The following PCDH19 variants were observed in gnomAD, a reference collection of about 807,000 sequenced individuals.
The protein encoded by PCDH19 is protocadherin 19.
PCDH19 carries 6 observed loss-of-function variants against 46.2 expected under a neutral mutation model. The observed-to-expected ratio is 0.13, with a 90% CI of 0.07 to 0.26. The LOEUF (loss-of-function observed/expected upper bound fraction) is 0.26. Ranked by LOEUF, PCDH19 falls within the 10% of genes least tolerant of loss-of-function variation. The pLI is 1.00. For synonymous variants in PCDH19, 481 were observed against 415.7 expected (o/e 1.16, Z -1.91); for missense variants, 740 against 972.3 (o/e 0.76, Z 3.18).
chrX:100,369,367 T>C (rs935440294), intron 3 of PCDH19, among the ~76,000 whole-genome samples: 17 of 111,387 alleles, frequency 1.5e-4, no homozygotes, highest in Admixed American at 1.1e-3. Flanking sequence ...TGTTTTTTAA[T>C]GATTAGAAGA....
chrX:100,327,186 G>T (rs957926860), intron 5 of PCDH19, among the ~76,000 whole-genome samples: 1 of 111,498 alleles, frequency 9.0e-6, no homozygotes, highest in Non-Finnish European at 1.9e-5. Context: ...CACTGACTCA[G>T]TCCCCACAAT....
chrX:100,409,865 G>A lies in PCDH19; in HGVS notation c.-1268C>T, dbSNP rs1005910113. The A allele has an allele frequency of 4.2e-5, 13 of 306,881 alleles. No individual in the cohort carries two copies. Among genetic ancestry groups the A allele is most frequent in the Non-Finnish European group, 6.7e-5 (12 of 178,802 alleles). The allele number at this position is 306,881 out of a possible 1,213,427, so 25.3% of individuals were successfully genotyped here. A position where few individuals can be genotyped will look rare whatever the true frequency, so the allele number is the denominator to read the frequency against. On this transcript the variant is annotated 5_prime_UTR_variant, in exon 1 of 6. Coordinates refer to ENST00000373034, the MANE Select transcript of PCDH19 (RefSeq NM_001184880.2). ...CGTCTTGATTTCATCTTCCCGGAGA[G>A]GCGCTGGCCGCGCTGCGTTGGGCTC...
At chrX:100,329,020 A>T (rs1925789130) in intron 5 of PCDH19, among the ~76,000 whole-genome samples, 1 of 111,800 alleles carries the variant, frequency 8.9e-6, no homozygotes, top group Non-Finnish European at 1.9e-5. Flanking sequence ...CTGTCTGCAG[A>T]CTCATTAGCT....
chrX:100,327,958 G>A (rs150234371), intron 5 of PCDH19, among the ~76,000 whole-genome samples: 50 of 111,888 alleles, frequency 4.5e-4, no homozygotes, highest in African/African-American at 1.5e-3. Context: ...GGGGCTCCAG[G>A]TAATGCTGCA....
Position 100,296,198 on chromosome X carries a change from T to G in PCDH19, c.*79A>C. On this transcript the variant is annotated 3_prime_UTR_variant, in exon 6 of 6. Transcript: ENST00000373034. ...AATATAGCCACTCAAGAACCAACCA[T>G]TGGTGAGCAATTAAAACAAGAAGCT... 7 of 779,581 alleles carry G rather than the reference T, an allele frequency of 9.0e-6. No homozygotes were observed. The allele number at this position is 779,581 out of a possible 1,213,427, so 64.2% of individuals were successfully genotyped here.
chrX:100,355,640 T>C (rs1184737798), intron 3 of PCDH19, among the ~76,000 whole-genome samples: 1 of 111,708 alleles, frequency 9.0e-6, no homozygotes, highest in Non-Finnish European at 1.9e-5. Flanking sequence ...ATCTTTAATA[T>C]AGGGACCTTT....
intron 3 of PCDH19, among the ~76,000 whole-genome samples, chrX:100,354,542 G>A (rs924984587): frequency 1.9e-4 from 21 of 111,871 alleles, no homozygotes; most frequent in Non-Finnish European, 3.8e-4. Flanking sequence ...ACTGGCCACA[G>A]GCTCTGACCT....
chrX:100,303,147 A>G (rs1410354705), intron 5 of PCDH19, among the ~76,000 whole-genome samples: 1 of 110,997 alleles, frequency 9.0e-6, no homozygotes, highest in Non-Finnish European at 1.9e-5. Context: ...TTGAAAATAC[A>G]TTTGCCATAG....
chrX:100,298,512 A>T (rs1697875293), intron 5 of PCDH19, among the ~76,000 whole-genome samples: 1 of 111,911 alleles, frequency 8.9e-6, no homozygotes, highest in African/African-American at 3.3e-5. Flanking sequence ...GCAATGAAAC[A>T]CTCAGAATTT....
At chrX:100,367,081 C>T (rs1402881912) in intron 3 of PCDH19, among the ~76,000 whole-genome samples, 1 of 112,616 alleles carries the variant, frequency 8.9e-6, no homozygotes, top group Non-Finnish European at 1.9e-5. Flanking sequence ...AAGGCAAAAA[C>T]AGATCATTCA....
Position 100,406,568 on chromosome X carries a change from A to G in PCDH19, c.2030T>C (p.Leu677Ser). ...CAGGGCAATAATGAAAATCAAGGAC[A>G]AGTTCACAGAGCCCATTGACTCTTG... ...DAQESMGSVN[L>S]SLIFIIALGS... The change falls in exon 1 of 6, where the codon TTG (leucine) becomes TCG (serine). Residue 677 changes from leucine (L) to serine (S), a missense_variant. Physicochemically the swap from Leu to Ser is moderately radical, Grantham distance 145. Around this residue, in one of 5 missense-constraint regions of PCDH19, gnomAD observed 416 missense variants for 476.8 expected, o/e 0.87. Coordinates refer to ENST00000373034, the MANE Select transcript of PCDH19 (RefSeq NM_001184880.2). 1 of 1,210,202 alleles carries G rather than the reference A, an allele frequency of 8.3e-7. No homozygotes were observed.
chrX:100,343,882 A>G (rs1315677362), intron 4 of PCDH19, among the ~76,000 whole-genome samples: 1 of 112,092 alleles, frequency 8.9e-6, no homozygotes, highest in African/African-American at 3.2e-5. Context: ...GGACATTCAC[A>G]GGCCTGGCTC....
At chrX:100,348,869 C>T (rs1160794262) in intron 4 of PCDH19, among the ~76,000 whole-genome samples, 2 of 108,697 alleles carry the variant, frequency 1.8e-5, no homozygotes, top group African/African-American at 6.8e-5. Flanking sequence ...TCTTAGCTTT[C>T]TTCCAGGCTG....
chrX:100,370,697 T>G, intron 3 of PCDH19, among the ~76,000 whole-genome samples: 1 of 112,134 alleles, frequency 8.9e-6, no homozygotes, highest in East Asian at 2.8e-4. Flanking sequence ...TTCCAGACTA[T>G]TAGCCCTTGG....
At position 100,408,774 on chromosome X, in the gene PCDH19, G is replaced by C. The variant is rs1485652967; in HGVS notation, c.-177C>G. ...CGGCGCGCGGGGGACACCCGCGGCGGCTCCAATGCTGAGGTTGCGGCGGAC... is the reference window on the plus strand; with the variant it reads ...CGGCGCGCGGGGGACACCCGCGGCGCCTCCAATGCTGAGGTTGCGGCGGAC... On this transcript the variant is annotated 5_prime_UTR_variant, in exon 1 of 6. Coordinates refer to ENST00000373034, the MANE Select transcript of PCDH19 (RefSeq NM_001184880.2). 4.8e-6 allele frequency: 1 copy of C among 209,916 alleles called. No individual in the cohort carries two copies. 17.3% of individuals were successfully genotyped at this position (209,916 alleles called of 1,213,427 possible). A position where few individuals can be genotyped will look rare whatever the true frequency, so the allele number is the denominator to read the frequency against.
chrX:100,304,118 A>C (rs1426153131), intron 5 of PCDH19, among the ~76,000 whole-genome samples: 1 of 112,296 alleles, frequency 8.9e-6, no homozygotes, highest in Non-Finnish European at 1.9e-5. Flanking sequence ...ACCAACACAA[A>C]GCCAGTGCAC....
At chrX:100,334,298 A>G (rs1343304524) in intron 5 of PCDH19, among the ~76,000 whole-genome samples, 1 of 111,703 alleles carries the variant, frequency 9.0e-6, no homozygotes, top group Non-Finnish European at 1.9e-5. Flanking sequence ...AAAAGCTATT[A>G]CCACAAAGAA....
intron 4 of PCDH19, among the ~76,000 whole-genome samples, chrX:100,349,843 T>C (rs1274985285): frequency 8.9e-6 from 1 of 112,407 alleles, no homozygotes; most frequent in East Asian, 2.8e-4. Flanking sequence ...GTTTCCACCT[T>C]TTAGAGGGCT....
chrX:100,337,504 G>A (rs1926123989), intron 5 of PCDH19, among the ~76,000 whole-genome samples: 1 of 112,313 alleles, frequency 8.9e-6, no homozygotes, highest in African/African-American at 3.2e-5. Flanking sequence ...TAATTCATGG[G>A]CACTGGATAA....
Sources: gnomAD v4.1 joint callset for allele counts (sites outside exome capture counted in the v4.1 genomes callset) on GRCh38, gnomAD v4.1.1 for gene constraint, gnomAD v4.1.1 regional missense constraint, MANE v1.5 for transcripts, NCBI Gene and HGNC (gene_info 2026-07-23, HGNC 2026-07-21) for gene names.